The following KHDRBS2 variants were observed in gnomAD, a reference collection of about 807,000 sequenced individuals.
KHDRBS2 encodes the protein KH domain-containing, RNA-binding, signal transduction-associated protein 2.
A neutral mutation model predicts 44.3 loss-of-function variants in KHDRBS2; 26 were observed. That is an observed-to-expected ratio of 0.59 (90% CI 0.43 to 0.81). KHDRBS2 has a LOEUF of 0.81. KHDRBS2 is among the 40% of genes least tolerant of loss of function. The pLI, the probability that KHDRBS2 is intolerant of heterozygous loss-of-function variation, is 0.00. For synonymous variants in KHDRBS2, 194 were observed against 151.1 expected (o/e 1.28, Z -2.08); for missense variants, 476 against 433.1 (o/e 1.10, Z -0.88).
chr6:61,660,719 T>G, the KHDRBS2 span, among the ~76,000 whole-genome samples: 1 of 151,790 alleles, frequency 6.6e-6, no homozygotes, highest in Admixed American at 6.6e-5. Context: ...CCCATTTCAT[T>G]CTACAAAGAT....
chr6:61,703,261 T>G lies in KHDRBS2; in HGVS notation c.894-6008A>C, dbSNP rs1768970377. ...TAATGAAAAGTATACAGCCAACTTT[T>G]GCCAGTCAATGTCACATATTTTAAA... On this transcript the variant is annotated intron_variant, in intron 7 of 8. Transcript: ENST00000281156. Among the ~76,000 whole-genome samples the G allele has an allele frequency of 3.9e-5, 6 of 151,960 alleles. No individual in the cohort carries two copies. In the South Asian group the frequency reaches 8.3e-4, roughly 21 times the overall value.
intron 6 of KHDRBS2, among the ~76,000 whole-genome samples, chr6:61,844,176 C>G (rs1794031163): frequency 6.6e-6 from 1 of 152,090 alleles, no homozygotes. Flanking sequence ...CTCAAATTAC[C>G]ATATTTCTCA....
At chr6:61,988,429 T>C (rs1775480175) in intron 3 of KHDRBS2, among the ~76,000 whole-genome samples, 1 of 152,224 alleles carries the variant, frequency 6.6e-6, no homozygotes, top group Non-Finnish European at 1.5e-5. Flanking sequence ...CTCAATGATC[T>C]TCTCTTATCT....
At chr6:62,057,760 C>T (rs964648795) in intron 2 of KHDRBS2, among the ~76,000 whole-genome samples, 2 of 151,790 alleles carry the variant, frequency 1.3e-5, no homozygotes, top group Non-Finnish European at 2.9e-5. Flanking sequence ...TTTATTCACA[C>T]GTGTTTAAGA....
intron 1 of KHDRBS2, among the ~76,000 whole-genome samples, chr6:62,213,883 AAAAAAAAAAAAAAAAAAAAAG>A (rs1829536957): frequency 6.7e-6 from 1 of 149,202 alleles, no homozygotes; most frequent in African/African-American, 2.5e-5. Context: ...CAAAAAAAAA[AAAAAAAAAAAAAAAAAAAAAG>A]AATGAAGTAT....
At chr6:62,277,458 C>G (rs1167824465) in intron 1 of KHDRBS2, among the ~76,000 whole-genome samples, 1 of 152,134 alleles carries the variant, frequency 6.6e-6, no homozygotes, top group Non-Finnish European at 1.5e-5. Context: ...TCTCCTGCCT[C>G]AGCCTCCCGA....
chr6:61,634,004 T>A, the KHDRBS2 span, among the ~76,000 whole-genome samples: 1 of 152,100 alleles, frequency 6.6e-6, no homozygotes, highest in Admixed American at 6.6e-5. Context: ...GTTGATAAAC[T>A]GGGACAATGG....
the KHDRBS2 span, among the ~76,000 whole-genome samples, chr6:61,654,023 C>T: frequency 6.6e-6 from 1 of 151,880 alleles, no homozygotes; most frequent in Non-Finnish European, 1.5e-5. Context: ...TACTACGTTG[C>T]TTTGTGGCCC....
chr6:61,953,732 G>A (rs1765271137), intron 4 of KHDRBS2, among the ~76,000 whole-genome samples: 2 of 152,102 alleles, frequency 1.3e-5, no homozygotes, highest in Non-Finnish European at 2.9e-5. Context: ...ACAATTTGCT[G>A]ACACTGTTGG....
chr6:62,194,789 G>C (rs2150133820), intron 1 of KHDRBS2, among the ~76,000 whole-genome samples: 1 of 151,766 alleles, frequency 6.6e-6, no homozygotes, highest in East Asian at 1.9e-4. Flanking sequence ...TTACAGGTGT[G>C]AGTCACTGCA....
rs538396143 is a variant in KHDRBS2, at chr6:61,918,979, T to G, written c.484-17608A>C. ...GTGGCATTACGGAAATCAGGTTTCT[T>G]CTCTCTACAACCTGTTTTTTAAATT... On this transcript the variant is annotated intron_variant, in intron 4 of 8. Coordinates refer to ENST00000281156, the MANE Select transcript of KHDRBS2 (RefSeq NM_152688.4). Among the ~76,000 whole-genome samples, 241 of 152,050 alleles carry G rather than the reference T, an allele frequency of 1.6e-3. 7 individuals are homozygous for G. The South Asian group carries it at 0.046, about 29-fold the overall frequency.
intron 4 of KHDRBS2, among the ~76,000 whole-genome samples, chr6:61,945,163 G>T: frequency 1.7e-5 from 1 of 59,120 alleles, no homozygotes; most frequent in African/African-American, 6.0e-5. Context: ...ACACAGACTT[G>T]TCTTGATAAA....
intron 4 of KHDRBS2, among the ~76,000 whole-genome samples, chr6:61,922,648 G>A (rs1037057761): frequency 9.2e-5 from 14 of 152,024 alleles, no homozygotes; most frequent in Admixed American, 3.3e-4. Flanking sequence ...AATTCACATG[G>A]ATATCAGGTA....
At chr6:61,826,197 T>C (rs963699342) in intron 6 of KHDRBS2, among the ~76,000 whole-genome samples, 11 of 152,126 alleles carry the variant, frequency 7.2e-5, no homozygotes, top group African/African-American at 2.7e-4. Context: ...TTGCTTCCCA[T>C]AGTTAAAATT....
intron 4 of KHDRBS2, among the ~76,000 whole-genome samples, chr6:61,954,968 G>GTGTGCATACATATATATGTATACA (rs1461908811): frequency 2.8e-4 from 15 of 52,810 alleles, no homozygotes; most frequent in African/African-American, 8.4e-4. Context: ...GTATATATAC[G>GTGTGCATACATATATATGTATACA]CATACATATG....
At chr6:61,569,342 G>A in the KHDRBS2 span, among the ~76,000 whole-genome samples, 3 of 152,200 alleles carry the variant, frequency 2.0e-5, no homozygotes, top group East Asian at 3.9e-4. Flanking sequence ...GACTCTCTTA[G>A]GGGCTTTATG....
chr6:61,993,957 G>A (rs1562601749), intron 3 of KHDRBS2, among the ~76,000 whole-genome samples: 1 of 151,862 alleles, frequency 6.6e-6, no homozygotes, highest in South Asian at 2.1e-4. Context: ...AAACTCACAC[G>A]TGATAATCAT....
At chr6:62,285,352 G>T (rs775909644) in intron 1 of KHDRBS2, among the ~76,000 whole-genome samples, 1 of 152,060 alleles carries the variant, frequency 6.6e-6, no homozygotes, top group African/African-American at 2.4e-5. Flanking sequence ...ATACATATAA[G>T]AACATGCATA....
chr6:61,568,099 C>T, the KHDRBS2 span, among the ~76,000 whole-genome samples: 1 of 152,020 alleles, frequency 6.6e-6, no homozygotes, highest in Non-Finnish European at 1.5e-5. Flanking sequence ...AATAAAGTGT[C>T]CTCTCTTCAG....
Sources: allele counts gnomAD v4.1 joint callset (sites outside exome capture counted in the v4.1 genomes callset), GRCh38; gene constraint gnomAD v4.1.1; transcripts MANE v1.5; gene names NCBI Gene and HGNC (gene_info 2026-07-23, HGNC 2026-07-21).